ZC3H7B: variants seen among roughly 807,000 people sequenced by gnomAD.
The protein encoded by ZC3H7B is zinc finger CCCH domain-containing protein 7B.
A neutral mutation model predicts 116.0 loss-of-function variants in ZC3H7B; 35 were observed. That is an observed-to-expected ratio of 0.30 (90% CI 0.23 to 0.40). The LOEUF (loss-of-function observed/expected upper bound fraction) is 0.40. Among genes scored for constraint, ZC3H7B ranks in the 10% least tolerant of loss-of-function variants. The pLI, the probability that ZC3H7B is intolerant of heterozygous loss-of-function variation, is 1.00. For synonymous variants in ZC3H7B, 502 were observed against 545.6 expected (o/e 0.92, Z 1.11); for missense variants, 1,011 against 1,321.5 (o/e 0.77, Z 3.64).
chr22:41,311,762 G>C (rs2036121005), intron 1 of ZC3H7B, among the ~76,000 whole-genome samples: 2 of 152,182 alleles, frequency 1.3e-5, no homozygotes, highest in South Asian at 4.2e-4. Flanking sequence ...GAGAGCAGGA[G>C]CACTGTCCCT....
At chr22:41,326,991 C>T (rs1022563406) in intron 4 of ZC3H7B, among the ~76,000 whole-genome samples, 2 of 152,366 alleles carry the variant, frequency 1.3e-5, no homozygotes, top group East Asian at 1.9e-4. Context: ...ACTGCAGCCC[C>T]ATCAGCTGGA....
chr22:41,352,116 A>C (rs1390852614), intron 17 of ZC3H7B, among the ~76,000 whole-genome samples: 5 of 152,218 alleles, frequency 3.3e-5, no homozygotes, highest in Non-Finnish European at 7.3e-5. Context: ...GATTACAGGC[A>C]TGAGCCTTGT....
At chr22:41,347,096 C>T (rs1176070073) in intron 14 of ZC3H7B, among the ~76,000 whole-genome samples, 2 of 152,188 alleles carry the variant, frequency 1.3e-5, no homozygotes, top group Non-Finnish European at 2.9e-5. Context: ...CAGACAGTGC[C>T]GTGCAGAACT....
chr22:41,310,199 C>T (rs1276321651), intron 1 of ZC3H7B, among the ~76,000 whole-genome samples: 1 of 152,020 alleles, frequency 6.6e-6, no homozygotes, highest in Admixed American at 6.6e-5. Context: ...AGCGAGACTC[C>T]GTAAATCAAC....
At chr22:41,317,715 T>G (rs1317373725) in intron 1 of ZC3H7B, among the ~76,000 whole-genome samples, 1 of 151,966 alleles carries the variant, frequency 6.6e-6, no homozygotes, top group African/African-American at 2.4e-5. Flanking sequence ...GCCCAGGAGA[T>G]GGAGGCTGCA....
rs188383186 is a variant in ZC3H7B, at chr22:41,318,650, G to A, written c.-6-2005G>A. On this transcript the variant is annotated intron_variant, in intron 1 of 22. Coordinates refer to ENST00000352645, the MANE Select transcript of ZC3H7B (RefSeq NM_017590.6). ...TGTGATCTCAGCTGCTTGGGAGGCT[G>A]AAGTGGGAGGATCCCTTGAGCCCAG... Among the ~76,000 whole-genome samples the A allele has an allele frequency of 2.5e-3, 375 of 152,154 alleles. 3 individuals carry two copies. Among genetic ancestry groups the A allele is most frequent in the African/African-American group, 8.6e-3 (357 of 41,512 alleles).
intron 21 of ZC3H7B, 82 bp from the exon 22 acceptor site, chr22:41,356,563 C>T (rs2036720865): frequency 7.5e-6 from 12 of 1,608,452 alleles, no homozygotes; most frequent in African/African-American, 1.3e-5. Context: ...AGGGCCCAGC[C>T]GGCCAGCGCT....
intron 1 of ZC3H7B, among the ~76,000 whole-genome samples, chr22:41,315,434 C>T (rs999322869): frequency 2.0e-5 from 3 of 148,176 alleles, no homozygotes; most frequent in African/African-American, 7.5e-5. Context: ...AAGCGATCCT[C>T]CCACCTCAGC....
chr22:41,308,530 T>C (rs1380974384), intron 1 of ZC3H7B, among the ~76,000 whole-genome samples: 1 of 152,228 alleles, frequency 6.6e-6, no homozygotes, highest in Admixed American at 6.5e-5. Flanking sequence ...AGAATATTCC[T>C]GAATCTTCTT....
Position 41,357,336 on chromosome 22 carries a change from C to T in ZC3H7B, c.2841C>T (p.Gly947=). ...TGTGCCCACGGGACGACGACTTTGG[C>T]AAATACAACTTCCTGCTGCAAGAGG... The part of the protein sequence containing the change: ...MLLCPRDDDF[G]KYNFLLQEDG... The change falls in exon 23 of 23, where the codon GGC becomes GGT. Residue 947 remains glycine, a synonymous_variant. Coordinates refer to ENST00000352645, the MANE Select transcript of ZC3H7B (RefSeq NM_017590.6). The surrounding 1 kb of genome is among the most constrained non-coding windows in gnomAD (Gnocchi z 5.4). 6.2e-7 allele frequency: 1 copy of T among 1,613,698 alleles called. No homozygotes were observed. Among genetic ancestry groups the T allele is most frequent in the Non-Finnish European group, 8.5e-7 (1 of 1,179,980 alleles).
At chr22:41,342,430 G>A (rs1449450714) in intron 11 of ZC3H7B, 99 bp from the exon 12 acceptor site, 3 of 1,105,470 alleles carry the variant, frequency 2.7e-6, no homozygotes, top group East Asian at 2.4e-5. Context: ...GGTAGGATAG[G>A]GGGGTCATAG....
In ZC3H7B at chr22:41,349,062, GAGA is replaced by G. The variant is rs1179551081; in HGVS notation, c.1767-55_1767-53del. 2.5e-6 allele frequency: 4 copies of G among 1,573,888 alleles called. No homozygotes were observed. Among genetic ancestry groups the G allele is most frequent in the South Asian group, 1.1e-5 (1 of 87,154 alleles). On this transcript the variant is annotated intron_variant, in intron 15 of 22. Coordinates refer to ENST00000352645, the MANE Select transcript of ZC3H7B (RefSeq NM_017590.6). This position sits in a 1 kb window ranked among gnomAD's most constrained non-coding sequence, Gnocchi z 4.9. Reference sequence around the variant, plus strand: ...CACTGGGAAGGTGGCCCTACCAGGAGAGAAGGTCAGAGGGGCTGCGGACTGCAT... The same window carrying G: ...CACTGGGAAGGTGGCCCTACCAGGAGAGGTCAGAGGGGCTGCGGACTGCAT...
rs560025131 is a variant in ZC3H7B at position 41,325,278 on chromosome 22, G to A, written c.54-286G>A. Among the ~76,000 whole-genome samples, 8 of 151,908 alleles carry A rather than the reference G, an allele frequency of 5.3e-5. 1 individual carries two copies. Among genetic ancestry groups the A allele is most frequent in the African/African-American group, 1.9e-4 (8 of 41,434 alleles). The stretch of plus-strand genomic sequence containing the variant: ...GCTGGAGCTGGGGCTGTGGCTGGAA[G>A]TGGGGCTGGAACTGGGGCCAGGCTG... On this transcript the variant is annotated intron_variant, in intron 2 of 22. Coordinates refer to ENST00000352645, the MANE Select transcript of ZC3H7B (RefSeq NM_017590.6).
chr22:41,345,868 C>T, intron 13 of ZC3H7B, 135 bp from the exon 14 acceptor site: 1 of 870,126 alleles, frequency 1.1e-6, no homozygotes, highest in Non-Finnish European at 1.9e-6. Flanking sequence ...CCTGGCTCAC[C>T]TAGCTGTGTT....
intron 13 of ZC3H7B, 35 bp downstream of exon 13, chr22:41,343,611 G>A: frequency 6.5e-7 from 1 of 1,549,302 alleles, no homozygotes. Context: ...CAGCACAGCT[G>A]GGGCCCAGCC....
chr22:41,322,377 G>A (rs1377101458), intron 2 of ZC3H7B, among the ~76,000 whole-genome samples: 2 of 151,232 alleles, frequency 1.3e-5, no homozygotes, highest in East Asian at 2.0e-4. Flanking sequence ...TAGTAGAGAC[G>A]GGGTTTCACC....
chr22:41,352,493 G>A (rs1340644385), intron 17 of ZC3H7B, among the ~76,000 whole-genome samples: 3 of 152,222 alleles, frequency 2.0e-5, no homozygotes, highest in Non-Finnish European at 4.4e-5. Context: ...CGGCGCAGTG[G>A]CTCACCCCTG....
chr22:41,309,232 G>A (rs560502566), intron 1 of ZC3H7B, among the ~76,000 whole-genome samples: 3 of 151,864 alleles, frequency 2.0e-5, no homozygotes, highest in South Asian at 2.1e-4. Context: ...GGATGGTCTC[G>A]ATCTCCTGAC....
chr22:41,356,537 G>A (rs1212978930), intron 21 of ZC3H7B, 61 bp downstream of exon 21: 8 of 1,610,250 alleles, frequency 5.0e-6, no homozygotes, highest in Non-Finnish European at 6.8e-6. Context: ...AGCCTCACCT[G>A]GGAGGGGCAG....
Sources: allele counts gnomAD v4.1 joint callset (sites outside exome capture counted in the v4.1 genomes callset), GRCh38; gene constraint gnomAD v4.1.1; non-coding constraint Gnocchi (gnomAD v3.1); transcripts MANE v1.5; gene names NCBI Gene and HGNC (gene_info 2026-07-23, HGNC 2026-07-21).